DMD: variants seen among roughly 807,000 people sequenced by gnomAD.
DMD encodes dystrophin, also known as mutant dystrophin.
Under a neutral mutation model 330.1 loss-of-function variants are expected in DMD, and 63 were observed. The observed-to-expected ratio is 0.19, with a 90% CI of 0.16 to 0.24. The LOEUF is 0.24. DMD is among the 10% of genes least tolerant of loss of function. DMD has a pLI of 1.00. For synonymous variants in DMD, 1,223 were observed against 959.8 expected (o/e 1.27, Z -5.07); for missense variants, 3,344 against 2,684.1 (o/e 1.25, Z -5.43).
rs965464096 is a variant in DMD, at chrX:31,747,779, T to A, written c.7543-18031A>T. ...TTAAGTGGTTTCTGTAATGTTGTGTTCCTAACCGAGCTGTTTACATTATAG... is the reference window on the plus strand; with the variant it reads ...TTAAGTGGTTTCTGTAATGTTGTGTACCTAACCGAGCTGTTTACATTATAG... On this transcript the variant is annotated intron_variant, in intron 51 of 78. Coordinates refer to ENST00000357033, the MANE Select transcript of DMD (RefSeq NM_004006.3). Among the ~76,000 whole-genome samples, 4 of 112,261 alleles carry A rather than the reference T, an allele frequency of 3.6e-5. No individual in the cohort carries two copies. The East Asian group carries it at 8.3e-4, about 23-fold the overall frequency.
intron 32 of DMD, 91 bp from the exon 33 acceptor site, chrX:32,386,556 T>C (rs2097959469): frequency 9.7e-6 from 8 of 825,061 alleles, no homozygotes; most frequent in Non-Finnish European, 1.4e-5. Flanking sequence ...ATCCCCTTAA[T>C]TGCTATTCCA....
At chrX:32,009,804 A>G (rs759835438) in intron 44 of DMD, among the ~76,000 whole-genome samples, 2 of 111,713 alleles carry the variant, frequency 1.8e-5, no homozygotes, top group South Asian at 7.4e-4. Context: ...AAATGACCCA[A>G]ATTTATTTGA....
chrX:31,374,149 G>A (rs201818372), intron 60 of DMD, among the ~76,000 whole-genome samples: 11,222 of 57,028 alleles, frequency 0.2, 1,727 homozygotes, highest in African/African-American at 0.29. Context: ...TTAGAATGGC[G>A]GTCATTAAAA....
At chrX:32,724,439 G>A (rs1264153745) in intron 7 of DMD, among the ~76,000 whole-genome samples, 1 of 111,564 alleles carries the variant, frequency 9.0e-6, no homozygotes, top group African/African-American at 3.3e-5. Context: ...ACACAAAATG[G>A]TTATTGACCA....
At chrX:33,118,112 C>CTT (rs373799098) in intron 1 of DMD, among the ~76,000 whole-genome samples, 977 of 90,327 alleles carry the variant, frequency 0.011, 14 homozygotes, top group East Asian at 0.042. Context: ...GTTCAAGACT[C>CTT]TTTTTTTTTT....
At chrX:32,733,506 C>G (rs1397113032) in intron 7 of DMD, among the ~76,000 whole-genome samples, 8 of 110,759 alleles carry the variant, frequency 7.2e-5, no homozygotes, top group East Asian at 5.6e-4. Context: ...TGACCACATA[C>G]TTGGAAGTAA....
At chrX:31,785,375 T>A (rs1392894008) in intron 50 of DMD, among the ~76,000 whole-genome samples, 2 of 112,117 alleles carry the variant, frequency 1.8e-5, no homozygotes, top group African/African-American at 6.5e-5. Context: ...TAACAATGTA[T>A]GTATAGTTAA....
intron 48 of DMD, among the ~76,000 whole-genome samples, chrX:31,868,847 A>G (rs1168713066): frequency 1.8e-5 from 2 of 111,988 alleles, no homozygotes; most frequent in African/African-American, 6.5e-5. Flanking sequence ...CTGAGGTTTC[A>G]TATTTTTTAA....
chrX:31,382,233 G>A (rs934970892), intron 60 of DMD, among the ~76,000 whole-genome samples: 1 of 111,558 alleles, frequency 9.0e-6, no homozygotes, highest in African/African-American at 3.3e-5. Flanking sequence ...TCAGAATTCA[G>A]GCCTGTCCTC....
intron 47 of DMD, among the ~76,000 whole-genome samples, chrX:31,918,610 T>C (rs1457559968): frequency 1.9e-5 from 2 of 105,189 alleles, no homozygotes; most frequent in African/African-American, 7.1e-5. Flanking sequence ...CTTGAACATG[T>C]TAATGTCAAC....
intron 44 of DMD, among the ~76,000 whole-genome samples, chrX:32,015,816 T>C (rs1169178096): frequency 1.8e-5 from 2 of 112,107 alleles, no homozygotes. Context: ...ACCAAGCTGA[T>C]GGATTGTGTG....
chrX:33,097,979 T>C (rs1377300922), intron 1 of DMD, among the ~76,000 whole-genome samples: 2 of 111,576 alleles, frequency 1.8e-5, no homozygotes, highest in Non-Finnish European at 3.8e-5. Flanking sequence ...TTGGTCATGA[T>C]AGATACAGAA....
intron 45 of DMD, among the ~76,000 whole-genome samples, chrX:31,960,040 T>C (rs1301744060): frequency 4.6e-5 from 5 of 109,662 alleles, no homozygotes; most frequent in Non-Finnish European, 9.5e-5. Flanking sequence ...ATTATAGGTG[T>C]GAGCCACCGC....
At chrX:31,689,935 G>C (rs2148807239) in intron 52 of DMD, among the ~76,000 whole-genome samples, 1 of 111,861 alleles carries the variant, frequency 8.9e-6, no homozygotes, top group East Asian at 2.8e-4. Flanking sequence ...AGCTGAAACT[G>C]GATCCCTTCC....
chrX:33,172,903 T>C (rs1402137138), intron 1 of DMD, among the ~76,000 whole-genome samples: 6 of 111,028 alleles, frequency 5.4e-5, no homozygotes, highest in Non-Finnish European at 9.5e-5. Flanking sequence ...TGCCATAAGG[T>C]GAGACTGATC....
At chrX:32,020,482 G>A (rs1258286559) in intron 44 of DMD, among the ~76,000 whole-genome samples, 3 of 111,971 alleles carry the variant, frequency 2.7e-5, no homozygotes, top group Non-Finnish European at 5.6e-5. Context: ...CCTTTAAAGG[G>A]GTAATTAAGG....
At chrX:32,646,758 T>C (rs900404847) in intron 9 of DMD, among the ~76,000 whole-genome samples, 3 of 111,927 alleles carry the variant, frequency 2.7e-5, no homozygotes, top group African/African-American at 9.7e-5. Context: ...TCCTTCGAGA[T>C]GACAAGGCAT....
intron 7 of DMD, among the ~76,000 whole-genome samples, chrX:32,727,880 C>G (rs2067073635): frequency 9.0e-6 from 1 of 111,409 alleles, no homozygotes; most frequent in African/African-American, 3.3e-5. Flanking sequence ...TCACTCTGAT[C>G]ATACTTTTGT....
chrX:32,784,386 G>A (rs2075172536), intron 7 of DMD, among the ~76,000 whole-genome samples: 1 of 111,507 alleles, frequency 9.0e-6, no homozygotes, highest in Non-Finnish European at 1.9e-5. Flanking sequence ...GATGGTGGGG[G>A]GACACCCATC....
Sources: allele counts gnomAD v4.1 joint callset (sites outside exome capture counted in the v4.1 genomes callset), GRCh38; gene constraint gnomAD v4.1.1; transcripts MANE v1.5; gene names NCBI Gene and HGNC (gene_info 2026-07-23, HGNC 2026-07-21).